The following SASH1 variants were observed in gnomAD, a reference collection of about 807,000 sequenced individuals.
SASH1 encodes SAM and SH3 domain containing 1.
Under a neutral mutation model 125.2 loss-of-function variants are expected in SASH1, and 44 were observed. That is an observed-to-expected ratio of 0.35 (90% CI 0.28 to 0.45). The LOEUF (loss-of-function observed/expected upper bound fraction) is 0.45, where lower values mean the gene tolerates loss of function less well. Among genes scored for constraint, SASH1 ranks in the 20% least tolerant of loss-of-function variants. The pLI is 1.00. For synonymous variants in SASH1, 639 were observed against 649.1 expected (o/e 0.98, Z 0.24); for missense variants, 1,426 against 1,614.5 (o/e 0.88, Z 2.00).
intron 4 of SASH1, among the ~76,000 whole-genome samples, chr6:148,446,696 GA>G (rs1776810364): frequency 6.6e-6 from 1 of 152,138 alleles, no homozygotes; most frequent in African/African-American, 2.4e-5. Flanking sequence ...AATAATAGGT[GA>G]TGCTTATTGA....
intron 8 of SASH1, among the ~76,000 whole-genome samples, chr6:148,489,899 G>T (rs1337027382): frequency 1.4e-5 from 2 of 141,212 alleles, no homozygotes; most frequent in African/African-American, 2.8e-5. Context: ...TAGTGTTAGG[G>T]TTTTCTATAT....
chr6:148,293,504 A>G (rs1258860748), intron 1 of SASH1, among the ~76,000 whole-genome samples: 1 of 152,198 alleles, frequency 6.6e-6, no homozygotes, highest in Non-Finnish European at 1.5e-5. Context: ...GGCCCTGGAC[A>G]CTGGGCAGCA....
the SASH1 span, among the ~76,000 whole-genome samples, chr6:148,219,486 C>G: frequency 6.6e-5 from 10 of 152,294 alleles, no homozygotes; most frequent in East Asian, 1.9e-3. Flanking sequence ...CATGCATTAT[C>G]TCCTCCAAAC....
At chr6:148,447,610 G>A (rs1264314972) in intron 4 of SASH1, among the ~76,000 whole-genome samples, 3 of 151,860 alleles carry the variant, frequency 2.0e-5, no homozygotes, top group East Asian at 1.9e-4. Flanking sequence ...TGATCTTGTC[G>A]TCATCCTCCT....
the SASH1 span, among the ~76,000 whole-genome samples, chr6:148,194,556 G>T: frequency 1.3e-5 from 2 of 152,176 alleles, no homozygotes; most frequent in Non-Finnish European, 2.9e-5. Flanking sequence ...ATGACACTAA[G>T]TTTATTCTGT....
At chr6:148,251,967 A>C in the SASH1 span, among the ~76,000 whole-genome samples, 1 of 151,848 alleles carries the variant, frequency 6.6e-6, no homozygotes, top group Non-Finnish European at 1.5e-5. Flanking sequence ...TTTACTGAGA[A>C]TGATGAGGAA....
At chr6:148,351,193 T>G (rs1477911658) in intron 1 of SASH1, among the ~76,000 whole-genome samples, 1 of 17,074 alleles carries the variant, frequency 5.9e-5, no homozygotes. Flanking sequence ...CGATAGTAGT[T>G]TTTTTTTTTT....
chr6:148,456,572 A>G (rs1185527673), intron 4 of SASH1, among the ~76,000 whole-genome samples: 2 of 152,226 alleles, frequency 1.3e-5, no homozygotes, highest in Non-Finnish European at 2.9e-5. Context: ...CCATTTAGTA[A>G]TGTAAATAGC....
intron 8 of SASH1, among the ~76,000 whole-genome samples, chr6:148,494,901 A>G (rs962858594): frequency 6.6e-6 from 1 of 152,222 alleles, no homozygotes; most frequent in Non-Finnish European, 1.5e-5. Context: ...TCCCCAGATT[A>G]TAAGATCTTT....
intron 16 of SASH1, among the ~76,000 whole-genome samples, chr6:148,535,643 CT>C (rs1398030835): frequency 6.6e-6 from 1 of 152,168 alleles, no homozygotes; most frequent in African/African-American, 2.4e-5. Flanking sequence ...GAGCTCACAG[CT>C]TTTATGAAGT....
intron 2 of SASH1, among the ~76,000 whole-genome samples, chr6:148,401,785 TG>T (rs397704156): frequency 6.6e-6 from 1 of 151,740 alleles, no homozygotes; most frequent in Admixed American, 6.6e-5. Context: ...GATGTGTGTG[TG>T]GGGGGGTGTA....
At chr6:148,351,172 T>C (rs1420135884) in intron 1 of SASH1, among the ~76,000 whole-genome samples, 1 of 150,192 alleles carries the variant, frequency 6.7e-6, no homozygotes. Flanking sequence ...AGGGCTAGTA[T>C]TTCCTTTCTG....
intron 1 of SASH1, among the ~76,000 whole-genome samples, chr6:148,375,368 T>C (rs1782851398): frequency 6.6e-6 from 1 of 151,758 alleles, no homozygotes; most frequent in Non-Finnish European, 1.5e-5. Flanking sequence ...ACACACCTAT[T>C]ATCTCACATA....
chr6:148,346,257 A>G (rs1296573544), intron 1 of SASH1, among the ~76,000 whole-genome samples: 1 of 152,172 alleles, frequency 6.6e-6, no homozygotes, highest in Non-Finnish European at 1.5e-5. Flanking sequence ...CTCAGTAAAT[A>G]CAGGATGGTT....
intron 1 of SASH1, among the ~76,000 whole-genome samples, chr6:148,319,500 ATTTTTGTT>A (rs1367794262): frequency 6.6e-6 from 1 of 151,700 alleles, no homozygotes; most frequent in Non-Finnish European, 1.5e-5. Flanking sequence ...TATGTATAAG[ATTTTTGTT>A]TTTTTGTTTT....
chr6:148,470,394 G>A (rs545930390), intron 5 of SASH1, among the ~76,000 whole-genome samples: 14 of 152,276 alleles, frequency 9.2e-5, no homozygotes, highest in South Asian at 2.1e-4. Context: ...CCATCACTTC[G>A]CTGGGCCCTG....
At chr6:148,280,682 C>G (rs1184190618) in intron 1 of SASH1, among the ~76,000 whole-genome samples, 1 of 152,060 alleles carries the variant, frequency 6.6e-6, no homozygotes, top group South Asian at 2.1e-4. Flanking sequence ...GTTGCACATG[C>G]CTATAGTCCC....
chr6:148,487,112 C>CACATAT (rs773423176), intron 7 of SASH1, among the ~76,000 whole-genome samples: 53 of 120,658 alleles, frequency 4.4e-4, no homozygotes, highest in Middle Eastern at 4.3e-3. Context: ...CACACACACA[C>CACATAT]ATATATATAT....
intron 7 of SASH1, among the ~76,000 whole-genome samples, chr6:148,486,164 G>A (rs551374571): frequency 6.6e-6 from 1 of 151,958 alleles, no homozygotes; most frequent in South Asian, 2.1e-4. Flanking sequence ...CTTGTCGCCC[G>A]GGCTGGAGTG....
Sources: allele counts gnomAD v4.1 joint callset (sites outside exome capture counted in the v4.1 genomes callset), GRCh38; gene constraint gnomAD v4.1.1; transcripts MANE v1.5; gene names NCBI Gene and HGNC (gene_info 2026-07-23, HGNC 2026-07-21).